The following BAZ2B variants were observed in gnomAD, a reference collection of about 807,000 sequenced individuals.
BAZ2B encodes the protein bromodomain adjacent to zinc finger domain 2B.
A neutral mutation model predicts 246.0 loss-of-function variants in BAZ2B; 91 were observed. That is an observed-to-expected ratio of 0.37 (90% CI 0.31 to 0.44). The LOEUF (loss-of-function observed/expected upper bound fraction) is 0.44, where lower values mean the gene tolerates loss of function less well. Ranked by LOEUF, BAZ2B falls within the 20% of genes least tolerant of loss-of-function variation. BAZ2B has a pLI of 1.00. For missense variants in BAZ2B, 2,332 were observed against 2,533.7 expected, an observed-to-expected ratio of 0.92 and a Z score of 1.71; for synonymous variants, 855 against 860.0, an observed-to-expected ratio of 0.99 and a Z score of 0.10.
the BAZ2B span, among the ~76,000 whole-genome samples, chr2:159,677,120 T>C: frequency 1.3e-5 from 2 of 150,930 alleles, no homozygotes; most frequent in African/African-American, 4.8e-5. Context: ...TTAAAGCTTA[T>C]ATAGTTACCA....
At chr2:159,570,082 T>A (rs561648228) in intron 1 of BAZ2B, among the ~76,000 whole-genome samples, 1 of 152,228 alleles carries the variant, frequency 6.6e-6, no homozygotes, top group East Asian at 1.9e-4. Context: ...GTAAGGAGAA[T>A]AAAGATTCTT....
At chr2:159,452,246 C>T (rs1268354552) in intron 4 of BAZ2B, among the ~76,000 whole-genome samples, 1 of 152,182 alleles carries the variant, frequency 6.6e-6, no homozygotes, top group East Asian at 1.9e-4. Context: ...GTTTTAAAAA[C>T]ACTTCTTTCC....
At chr2:159,475,743 G>A (rs1313712977) in intron 3 of BAZ2B, among the ~76,000 whole-genome samples, 1 of 152,124 alleles carries the variant, frequency 6.6e-6, no homozygotes, top group Non-Finnish European at 1.5e-5. Context: ...TTTCTGTGTA[G>A]ACATCCTTTT....
chr2:159,683,699 G>A, the BAZ2B span, among the ~76,000 whole-genome samples: 1 of 152,134 alleles, frequency 6.6e-6, no homozygotes, highest in Admixed American at 6.6e-5. Flanking sequence ...TCTGATTCTT[G>A]TTCCTTTCAG....
chr2:159,368,799 A>G (rs1559135730), intron 27 of BAZ2B, among the ~76,000 whole-genome samples: 1 of 150,300 alleles, frequency 6.7e-6, no homozygotes, highest in East Asian at 2.0e-4. Flanking sequence ...TATGTAGAAG[A>G]GCCTGGATGG....
At chr2:159,449,174 C>A (rs982323626) in intron 4 of BAZ2B, among the ~76,000 whole-genome samples, 8 of 152,028 alleles carry the variant, frequency 5.3e-5, no homozygotes, top group Non-Finnish European at 1.0e-4. Flanking sequence ...AAGGTAAATA[C>A]TTAAATAGTG....
intron 20 of BAZ2B, among the ~76,000 whole-genome samples, chr2:159,393,565 C>G (rs2063599733): frequency 6.6e-6 from 1 of 152,116 alleles, no homozygotes; most frequent in Non-Finnish European, 1.5e-5. Context: ...TATCTGCTAC[C>G]TGTTTTTAGA....
At chr2:159,410,630 G>A (rs978141790) in intron 14 of BAZ2B, among the ~76,000 whole-genome samples, 7 of 151,988 alleles carry the variant, frequency 4.6e-5, no homozygotes, top group African/African-American at 9.7e-5. Context: ...ACCCAGTCTC[G>A]GGTCATAACT....
At chr2:159,348,484 G>GA (rs1298488717) in intron 30 of BAZ2B, among the ~76,000 whole-genome samples, 194 bp downstream of exon 30, 6 of 151,686 alleles carry the variant, frequency 4.0e-5, no homozygotes, top group South Asian at 2.1e-4. Flanking sequence ...AGAATGATAA[G>GA]AAAAAAAAGC....
chr2:159,464,057 A>G (rs965859366), intron 3 of BAZ2B: 1 of 152,142 alleles, frequency 6.6e-6, no homozygotes, highest in African/African-American at 2.4e-5. Context: ...CAAGAGTTGC[A>G]AAAATAGTAC....
intron 29 of BAZ2B, 22 bp from the exon 30 acceptor site, chr2:159,348,855 G>A: frequency 6.3e-7 from 1 of 1,577,350 alleles, no homozygotes; most frequent in Non-Finnish European, 8.6e-7. Context: ...TAAATAAGTA[G>A]AACTTTTACA....
chr2:159,485,336 T>A (rs1308064631), intron 2 of BAZ2B, among the ~76,000 whole-genome samples: 1 of 152,124 alleles, frequency 6.6e-6, no homozygotes, highest in Non-Finnish European at 1.5e-5. Context: ...GCAGACAAAA[T>A]TATTCTTTGA....
chr2:159,552,677 C>G lies in BAZ2B; in HGVS notation c.-3+3146G>C, dbSNP rs183365179. Among the ~76,000 whole-genome samples, 739 of 152,188 alleles carry G rather than the reference C, an allele frequency of 4.9e-3. 10 individuals carry two copies. The highest frequency in any genetic ancestry group is 0.021 in the Middle Eastern group (6 of 292). On this transcript the variant is annotated intron_variant, in intron 2 of 36. Coordinates refer to ENST00000392783, the MANE Select transcript of BAZ2B (RefSeq NM_013450.4). The stretch of plus-strand genomic sequence containing the variant: ...TTAAATTATATTAATGTATTAATAT[C>G]CTTATTTCAATTTTAATATAAGAAC...
At position 159,442,504 on chromosome 2, in the gene BAZ2B, T is replaced by C. The variant is rs568967496; in HGVS notation, c.697-3292A>G. Among the ~76,000 whole-genome samples, 49 of 152,372 alleles carry C rather than the reference T, an allele frequency of 3.2e-4. No individual in the cohort carries two copies. In the Middle Eastern group the frequency reaches 0.02, roughly 63 times the overall value. On this transcript the variant is annotated intron_variant, in intron 6 of 36. Coordinates refer to ENST00000392783, the MANE Select transcript of BAZ2B (RefSeq NM_013450.4). ...TGTATACTTCCCCCTCATTTTTTTA[T>C]TGTGGTAAAATACACATAACATAAA...
chr2:159,523,914 C>G (rs758059349), intron 2 of BAZ2B, among the ~76,000 whole-genome samples: 3 of 152,134 alleles, frequency 2.0e-5, no homozygotes, highest in Non-Finnish European at 2.9e-5. Flanking sequence ...CCAAAGTCCA[C>G]GGCCTATCTT....
At chr2:159,517,362 G>A (rs1330594189) in intron 2 of BAZ2B, among the ~76,000 whole-genome samples, 5 of 151,086 alleles carry the variant, frequency 3.3e-5, no homozygotes, top group Non-Finnish European at 7.4e-5. Flanking sequence ...AGTGTAGTTT[G>A]ATGAGGGAAG....
intron 31 of BAZ2B, among the ~76,000 whole-genome samples, chr2:159,340,661 A>G (rs921994229): frequency 1.3e-5 from 2 of 152,064 alleles, no homozygotes; most frequent in Non-Finnish European, 2.9e-5. Flanking sequence ...CCTACCAGCC[A>G]AGAAAGCCTT....
At chr2:159,379,384 T>C (rs1339293567) in intron 25 of BAZ2B, among the ~76,000 whole-genome samples, 2 of 152,158 alleles carry the variant, frequency 1.3e-5, no homozygotes, top group Non-Finnish European at 2.9e-5. Flanking sequence ...GTTTCAGTTA[T>C]GCAAGATGAA....
chr2:159,349,056 A>G lies in BAZ2B; in HGVS notation c.5088T>C (p.Val1696=). 1 of 1,614,140 alleles carries G rather than the reference A, an allele frequency of 6.2e-7. No homozygotes were observed. The highest frequency in any genetic ancestry group is 8.5e-7 in the Non-Finnish European group (1 of 1,179,998). ...EKATSAQPAA[V]EVAKPVDFPS... ...GAAAATCTACTGGTTTTGCTACTTC[A>G]ACAGCTGCAGGTTGAGCTGAAGTGG... The change falls in exon 29 of 37, where the codon GTT becomes GTC. Residue 1696 remains valine, a synonymous_variant. Coordinates refer to ENST00000392783, the MANE Select transcript of BAZ2B (RefSeq NM_013450.4).
Sources: gnomAD v4.1 joint callset for allele counts (sites outside exome capture counted in the v4.1 genomes callset) on GRCh38, gnomAD v4.1.1 for gene constraint, MANE v1.5 for transcripts, NCBI Gene and HGNC (gene_info 2026-07-23, HGNC 2026-07-21) for gene names.